The following GRIK3 variants were observed in gnomAD, a reference collection of about 807,000 sequenced individuals.
GRIK3 encodes glutamate ionotropic receptor kainate type subunit 3.
GRIK3 carries 29 observed loss-of-function variants against 102.5 expected under a neutral mutation model. The observed-to-expected ratio is 0.28, with a 90% CI of 0.21 to 0.39. The LOEUF is 0.39. Among genes scored for constraint, GRIK3 ranks in the 10% least tolerant of loss-of-function variants. The pLI, the probability that GRIK3 is intolerant of heterozygous loss-of-function variation, is 1.00. For synonymous variants in GRIK3, 511 were observed against 504.9 expected (o/e 1.01, Z -0.16); for missense variants, 908 against 1,252.4 (o/e 0.73, Z 4.15).
chr1:36,957,338 TACCCAGTGA>T (rs1641923164), intron 1 of GRIK3, among the ~76,000 whole-genome samples: 1 of 148,494 alleles, frequency 6.7e-6, no homozygotes, highest in African/African-American at 2.5e-5. Context: ...TGAGCCTGTG[TACCCAGTGA>T]GCCTATGCCC....
In GRIK3 at chr1:36,800,231, G is replaced by A. The variant is rs1466875172; in HGVS notation, c.*1620C>T. 3 of 152,118 alleles carry A rather than the reference G, an allele frequency of 2.0e-5. No homozygotes were observed. Among genetic ancestry groups the A allele is most frequent in the Admixed American group, 6.5e-5 (1 of 15,268 alleles). 9.4% of individuals were successfully genotyped at this position (152,118 alleles called of 1,614,324 possible). A position where few individuals can be genotyped will look rare whatever the true frequency, so the allele number is the denominator to read the frequency against. ...AGCAGCATGGGACAGAGGTGGGAGG[G>A]GAGTGGCTGGTATGCCCCAGTTCTC... On this transcript the variant is annotated 3_prime_UTR_variant, in exon 16 of 16. Transcript: ENST00000373091.
intron 1 of GRIK3, among the ~76,000 whole-genome samples, chr1:36,908,669 T>C (rs913379431): frequency 6.6e-6 from 1 of 152,202 alleles, no homozygotes; most frequent in African/African-American, 2.4e-5. Flanking sequence ...GATTGCATAG[T>C]GTAATTGGCA....
chr1:36,999,459 A>G (rs1642452921), intron 1 of GRIK3, among the ~76,000 whole-genome samples: 1 of 152,096 alleles, frequency 6.6e-6, no homozygotes, highest in African/African-American at 2.4e-5. Flanking sequence ...TGCCTCCTGA[A>G]AAGGTCCTTT....
chr1:36,983,968 G>C lies in GRIK3; in HGVS notation c.115+50026C>G, dbSNP rs150461747. On this transcript the variant is annotated intron_variant, in intron 1 of 15. Transcript: ENST00000373091. ...GGGATGCCGCCCATAGTACCCAGCAGGGTGACTTTGACACAGAGCAGCACC... is the reference window on the plus strand; with the variant it reads ...GGGATGCCGCCCATAGTACCCAGCACGGTGACTTTGACACAGAGCAGCACC... 2.9e-3 allele frequency among the ~76,000 whole-genome samples: 445 copies of C among 152,282 alleles called. 10 individuals are homozygous for C. The East Asian group carries it at 0.037, about 13-fold the overall frequency.
intron 10 of GRIK3, among the ~76,000 whole-genome samples, chr1:36,829,609 A>C (rs1244372912): frequency 6.6e-6 from 1 of 152,134 alleles, no homozygotes; most frequent in Non-Finnish European, 1.5e-5. Context: ...TGGACCAGGC[A>C]GGATGGTCTT....
chr1:36,840,977 A>G (rs74064780), intron 10 of GRIK3, among the ~76,000 whole-genome samples: 6,561 of 152,224 alleles, frequency 0.043, 448 homozygotes, highest in African/African-American at 0.15. Context: ...CAATTTACAG[A>G]GGGAGAAACT....
In GRIK3 at chr1:36,962,650, G is replaced by T. The variant is rs748124847; in HGVS notation, c.115+71344C>A. 3.8e-3 allele frequency among the ~76,000 whole-genome samples: 466 copies of T among 123,188 alleles called. 2 individuals are homozygous for T. The highest frequency in any genetic ancestry group is 5.6e-3 in the Non-Finnish European group (320 of 56,984). The allele number at this position is 123,188 out of a possible 152,430, so 80.8% of individuals were successfully genotyped here. A position where few individuals can be genotyped will look rare whatever the true frequency, so the allele number is the denominator to read the frequency against. On this transcript the variant is annotated intron_variant, in intron 1 of 15. Transcript: ENST00000373091. ...AGAGAGAGGGAGAGGAAGAGAGAGA[G>T]AGAGAGAGAGAGAGAGAACAGAAGT...
At chr1:36,971,303 G>T (rs1288679547) in intron 1 of GRIK3, among the ~76,000 whole-genome samples, 1 of 152,194 alleles carries the variant, frequency 6.6e-6, no homozygotes, top group African/African-American at 2.4e-5. Flanking sequence ...CAAGAGCTTG[G>T]AGGGGAAACA....
chr1:36,944,848 C>T (rs1018508265), intron 1 of GRIK3, among the ~76,000 whole-genome samples: 2 of 152,356 alleles, frequency 1.3e-5, no homozygotes, highest in African/African-American at 4.8e-5. Context: ...GCAGAGCTCT[C>T]AGTCCACACC....
At chr1:36,948,379 T>C (rs1337720742) in intron 1 of GRIK3, among the ~76,000 whole-genome samples, 3 of 152,188 alleles carry the variant, frequency 2.0e-5, no homozygotes, top group East Asian at 3.8e-4. Flanking sequence ...TGTGTGCTGA[T>C]CTGAGTTGGC....
intron 13 of GRIK3, among the ~76,000 whole-genome samples, chr1:36,810,405 G>C (rs1307815592): frequency 6.6e-6 from 1 of 152,224 alleles, no homozygotes; most frequent in Non-Finnish European, 1.5e-5. Flanking sequence ...CCAATACACG[G>C]CGGTGTGCCA....
intron 5 of GRIK3, among the ~76,000 whole-genome samples, chr1:36,860,662 C>T (rs1640712601): frequency 6.6e-6 from 1 of 152,122 alleles, no homozygotes; most frequent in Non-Finnish European, 1.5e-5. Context: ...TGTAGCCCCG[C>T]CCTGCAGCTC....
intron 1 of GRIK3, among the ~76,000 whole-genome samples, chr1:36,929,996 T>G (rs1254288697): frequency 1.3e-5 from 2 of 152,202 alleles, no homozygotes; most frequent in African/African-American, 2.4e-5. Context: ...TTCCTGACAG[T>G]CCATAGAGTT....
At chr1:36,868,036 T>C (rs1397014776) in intron 5 of GRIK3, among the ~76,000 whole-genome samples, 1 of 152,162 alleles carries the variant, frequency 6.6e-6, no homozygotes, top group East Asian at 1.9e-4. Context: ...CATTGGCCAC[T>C]GGGGTCAAGA....
At chr1:37,006,343 C>CCTGGCAAGGCCTAAATATAG (rs1553127714) in intron 1 of GRIK3, among the ~76,000 whole-genome samples, 1 of 152,212 alleles carries the variant, frequency 6.6e-6, no homozygotes, top group Non-Finnish European at 1.5e-5. Context: ...AATTCAAAGG[C>CCTGGCAAGGCCTAAATATAG]CTGGCAAGGC....
intron 10 of GRIK3, among the ~76,000 whole-genome samples, chr1:36,830,364 C>T (rs974915964): frequency 6.7e-6 from 1 of 149,138 alleles, no homozygotes; most frequent in East Asian, 1.9e-4. Flanking sequence ...TTATGCCCCC[C>T]CACCCCCAAT....
chr1:36,992,483 TG>T (rs1642372942), intron 1 of GRIK3, among the ~76,000 whole-genome samples: 1 of 152,024 alleles, frequency 6.6e-6, no homozygotes. Flanking sequence ...AGAGGCTGGA[TG>T]GGGTGGGCTT....
intron 1 of GRIK3, among the ~76,000 whole-genome samples, chr1:36,956,696 C>T (rs974503823): frequency 2.0e-5 from 3 of 152,182 alleles, no homozygotes; most frequent in African/African-American, 7.2e-5. Context: ...GCACAGGAAA[C>T]ATTTCAGGTG....
intron 1 of GRIK3, among the ~76,000 whole-genome samples, chr1:36,891,612 G>A (rs1641117740): frequency 6.6e-6 from 1 of 152,170 alleles, no homozygotes; most frequent in Admixed American, 6.5e-5. Context: ...ATACTTCCTT[G>A]AAACTTTTTT....
Sources: allele counts gnomAD v4.1 joint callset (sites outside exome capture counted in the v4.1 genomes callset), GRCh38; gene constraint gnomAD v4.1.1; transcripts MANE v1.5; gene names NCBI Gene and HGNC (gene_info 2026-07-23, HGNC 2026-07-21).